The following TTLL11 variants were observed in gnomAD, a reference collection of about 807,000 sequenced individuals.
TTLL11 encodes the protein tubulin polyglutamylase TTLL11.
A neutral mutation model predicts 51.7 loss-of-function variants in TTLL11; 42 were observed. That is an observed-to-expected ratio of 0.81 (90% confidence interval 0.64 to 1.05). TTLL11 has a LOEUF of 1.05. Ranked by LOEUF, TTLL11 falls within the 50% of genes least tolerant of loss-of-function variation. The pLI, the probability that TTLL11 is intolerant of heterozygous loss-of-function variation, is 0.00. For synonymous variants in TTLL11, 381 were observed against 383.5 expected, an observed-to-expected ratio of 0.99 and a Z score of 0.08; for missense variants, 799 against 940.4, an observed-to-expected ratio of 0.85 and a Z score of 1.97.
chr9:121,855,799 C>T (rs114079922), intron 8 of TTLL11, among the ~76,000 whole-genome samples: 2,437 of 152,290 alleles, frequency 0.016, 70 homozygotes, highest in African/African-American at 0.056. Context: ...AGATGCTTTG[C>T]ATGTTCCAGG....
chr9:122,021,511 C>T (rs1844179404), intron 3 of TTLL11, among the ~76,000 whole-genome samples: 1 of 152,056 alleles, frequency 6.6e-6, no homozygotes, highest in South Asian at 2.1e-4. Flanking sequence ...CACACAGAGC[C>T]AGGAGTAGTG....
chr9:122,082,454 A>G (rs1387917555), intron 1 of TTLL11, among the ~76,000 whole-genome samples: 4 of 148,200 alleles, frequency 2.7e-5, no homozygotes, highest in African/African-American at 1.0e-4. Context: ...GTGAGCCAAC[A>G]TAGTGCCATT....
intron 6 of TTLL11, among the ~76,000 whole-genome samples, chr9:121,894,112 T>C (rs1839361637): frequency 6.6e-6 from 1 of 152,150 alleles, no homozygotes; most frequent in Non-Finnish European, 1.5e-5. Flanking sequence ...ATCTCTCTCC[T>C]ATATGCCAAG....
chr9:121,878,184 T>A (rs768022117), intron 6 of TTLL11, among the ~76,000 whole-genome samples: 3 of 152,088 alleles, frequency 2.0e-5, no homozygotes, highest in Admixed American at 1.3e-4. Context: ...TGGGGTGGCG[T>A]GAGGCTAAAG....
chr9:121,910,806 C>G (rs1296468227), intron 6 of TTLL11, among the ~76,000 whole-genome samples: 2 of 152,172 alleles, frequency 1.3e-5, no homozygotes, highest in Non-Finnish European at 2.9e-5. Flanking sequence ...CAAGTATAAT[C>G]ATTGTTTTGA....
At chr9:121,906,983 C>G (rs769803373) in intron 6 of TTLL11, among the ~76,000 whole-genome samples, 15 of 152,078 alleles carry the variant, frequency 9.9e-5, no homozygotes, top group Non-Finnish European at 1.9e-4. Context: ...GACCGACAAC[C>G]ACCCGCTACT....
Position 121,847,438 on chromosome 9 carries a change from A to G in TTLL11, c.1840+12899T>C, listed in dbSNP as rs183856189. Reference sequence around the variant, plus strand: ...TTAGATTACTAATTAGTAATTACAAATTACTAATATCAGAAATGAAAGAGG... The same window carrying G: ...TTAGATTACTAATTAGTAATTACAAGTTACTAATATCAGAAATGAAAGAGG... On this transcript the variant is annotated intron_variant, in intron 8 of 8. Transcript: ENST00000321582. Among the ~76,000 whole-genome samples, 1,352 of 152,284 alleles carry G rather than the reference A, an allele frequency of 8.9e-3. 9 individuals carry two copies. The highest frequency in any genetic ancestry group is 0.014 in the Non-Finnish European group (946 of 68,028).
chr9:122,091,727 A>G (rs1846265068), intron 1 of TTLL11, among the ~76,000 whole-genome samples: 1 of 152,210 alleles, frequency 6.6e-6, no homozygotes, highest in Admixed American at 6.5e-5. Context: ...ACACTCAGCT[A>G]TCCTTAATCA....
intron 1 of TTLL11, among the ~76,000 whole-genome samples, chr9:122,054,543 C>T (rs968348287): frequency 2.0e-5 from 3 of 152,124 alleles, no homozygotes; most frequent in Non-Finnish European, 2.9e-5. Context: ...AGATTAGATA[C>T]GAATTTAGCA....
chr9:121,874,665 A>T (rs377401063), intron 6 of TTLL11, among the ~76,000 whole-genome samples: 3 of 152,128 alleles, frequency 2.0e-5, no homozygotes, highest in East Asian at 3.9e-4. Context: ...ATTCCCCCTC[A>T]GTTAGAGATC....
intron 6 of TTLL11, among the ~76,000 whole-genome samples, chr9:121,896,313 G>GAA (rs1258199007): frequency 2.0e-5 from 3 of 152,188 alleles, no homozygotes; most frequent in Non-Finnish European, 2.9e-5. Context: ...CCGGGGCTAG[G>GAA]TGGCTTTAGC....
chr9:121,822,765 A>G lies in TTLL11; in HGVS notation c.1955T>C (p.Leu652Pro), dbSNP rs2119100877. 6.4e-7 allele frequency: 1 copy of G among 1,551,716 alleles called. No homozygotes were observed. The highest frequency in any genetic ancestry group is 2.4e-5 in the East Asian group (1 of 40,922). Reference sequence around the variant, plus strand: ...CAGGCGTTTTTCATCCAGCAGGGACAGGTGGTACTCGCAAAGGTCAATCAG... The same window carrying G: ...CAGGCGTTTTTCATCCAGCAGGGACGGGTGGTACTCGCAAAGGTCAATCAG... ...ASLIDLCEYHLSLLDEKRLVC... is the reference protein window; with the variant it reads ...ASLIDLCEYHPSLLDEKRLVC... The change falls in exon 9 of 9, where the codon CTG (leucine) becomes CCG (proline). Residue 652 changes from leucine to proline, a missense_variant. Leu to Pro is a moderately conservative substitution (Grantham distance 98, BLOSUM62 -3). Around this residue, in one of 3 missense-constraint regions of TTLL11, gnomAD observed 165 missense variants for 166.1 expected, o/e 0.99. Transcript: ENST00000321582. The surrounding 1 kb of genome is among the most constrained non-coding windows in gnomAD (Gnocchi z 5.8).
At chr9:121,962,073 T>C (rs771778820) in intron 6 of TTLL11, among the ~76,000 whole-genome samples, 23 of 151,876 alleles carry the variant, frequency 1.5e-4, no homozygotes, top group Non-Finnish European at 2.8e-4. Flanking sequence ...AGGAGAAAAA[T>C]AAAAACAGCA....
chr9:121,870,790 C>G (rs1564281497), intron 6 of TTLL11, 42 bp from the exon 7 acceptor site: 1 of 1,479,236 alleles, frequency 6.8e-7, no homozygotes, highest in Non-Finnish European at 9.0e-7. Context: ...CTTTCCCTTT[C>G]AGTTTCTCCT....
At chr9:121,885,189 T>C (rs769011545) in intron 6 of TTLL11, 1 of 152,188 alleles carries the variant, frequency 6.6e-6, no homozygotes, top group Non-Finnish European at 1.5e-5. Context: ...CGTTCCAGGA[T>C]GAAGATAATA....
chr9:122,048,844 T>C (rs1845084378), intron 1 of TTLL11, among the ~76,000 whole-genome samples: 1 of 152,206 alleles, frequency 6.6e-6, no homozygotes, highest in South Asian at 2.1e-4. Context: ...CAGGCCATTC[T>C]GCAACATCTT....
chr9:121,933,049 G>A (rs1025264239), intron 6 of TTLL11, among the ~76,000 whole-genome samples: 2 of 152,108 alleles, frequency 1.3e-5, no homozygotes, highest in Non-Finnish European at 2.9e-5. Flanking sequence ...CGAAAATGTC[G>A]GTTAGTTTTT....
intron 6 of TTLL11, among the ~76,000 whole-genome samples, chr9:121,965,110 T>C (rs2131635192): frequency 6.6e-6 from 1 of 152,334 alleles, no homozygotes; most frequent in East Asian, 1.9e-4. Flanking sequence ...AAATATTCAT[T>C]TCTCTGTGAC....
At chr9:122,031,976 T>A (rs1844566070) in intron 2 of TTLL11, 120 bp from the exon 3 acceptor site, 1 of 1,383,758 alleles carries the variant, frequency 7.2e-7, no homozygotes, top group Non-Finnish European at 9.7e-7. Context: ...GCAGGATTTT[T>A]AAAAAAGGTC....
Sources: gnomAD v4.1 joint callset for allele counts (sites outside exome capture counted in the v4.1 genomes callset) on GRCh38, gnomAD v4.1.1 for gene constraint, gnomAD v4.1.1 regional missense constraint, Gnocchi (gnomAD v3.1) non-coding constraint, MANE v1.5 for transcripts, NCBI Gene and HGNC (gene_info 2026-07-23, HGNC 2026-07-21) for gene names.